The following CEP70 variants were observed in gnomAD, a reference collection of about 807,000 sequenced individuals.
CEP70 encodes centrosomal protein of 70 kDa.
Under a neutral mutation model 90.9 loss-of-function variants are expected in CEP70, and 70 were observed. The ratio of observed to expected loss-of-function variants is 0.77; its 90% confidence interval spans 0.64 to 0.94. The LOEUF (loss-of-function observed/expected upper bound fraction) is 0.94. Among genes scored for constraint, CEP70 ranks in the 40% least tolerant of loss-of-function variants. The pLI, the probability that CEP70 is intolerant of heterozygous loss-of-function variation, is 0.00. For synonymous variants in CEP70, 220 were observed against 228.3 expected (o/e 0.96, Z 0.33); for missense variants, 648 against 669.0 (o/e 0.97, Z 0.35).
chr3:138,545,366 C>T (rs1375388801), intron 6 of CEP70, among the ~76,000 whole-genome samples: 1 of 152,128 alleles, frequency 6.6e-6, no homozygotes. Context: ...TATCAGTTCC[C>T]AAATAATACT....
At chr3:138,583,891 A>G (rs2041981930) in intron 2 of CEP70, among the ~76,000 whole-genome samples, 1 of 152,170 alleles carries the variant, frequency 6.6e-6, no homozygotes, top group African/African-American at 2.4e-5. Flanking sequence ...AGAACTAGAA[A>G]AGCAGAGCAA....
chr3:138,555,174 A>G (rs1388869740), intron 6 of CEP70, among the ~76,000 whole-genome samples: 1 of 147,586 alleles, frequency 6.8e-6, no homozygotes, highest in African/African-American at 2.5e-5. Flanking sequence ...ACTTCTACCC[A>G]GTAGGGGGAG....
At chr3:138,565,789 C>G (rs970043631) in intron 6 of CEP70, among the ~76,000 whole-genome samples, 9 of 152,048 alleles carry the variant, frequency 5.9e-5, no homozygotes, top group Non-Finnish European at 1.3e-4. Context: ...ACTAAAACAC[C>G]AAAAGCAATG....
At chr3:138,539,169 C>T (rs534399234) in intron 6 of CEP70, among the ~76,000 whole-genome samples, 3 of 152,156 alleles carry the variant, frequency 2.0e-5, no homozygotes, top group Non-Finnish European at 2.9e-5. Context: ...TGGATAGTTG[C>T]GTACCATCAC....
At chr3:138,589,660 A>G (rs1477887376) in intron 2 of CEP70, among the ~76,000 whole-genome samples, 4 of 152,160 alleles carry the variant, frequency 2.6e-5, no homozygotes, top group Non-Finnish European at 5.9e-5. Context: ...TGTATCTCAA[A>G]AAGAAAAAAA....
At chr3:138,499,089 T>C (rs2108657746) in intron 16 of CEP70, among the ~76,000 whole-genome samples, 1 of 151,658 alleles carries the variant, frequency 6.6e-6, no homozygotes, top group South Asian at 2.1e-4. Flanking sequence ...CAGTAGTCAG[T>C]AAAACTGTGG....
rs869032871 is a variant in CEP70, at chr3:138,510,856, C to CTT, written c.945-2314_945-2313dup. ...CCCACAAATTTAATGCTTTTTCCAT[C>CTT]TTTTTTTTTTTTTTTTTTTTTTGAG... On this transcript the variant is annotated intron_variant, in intron 11 of 17. Transcript: ENST00000264982. Among the ~76,000 whole-genome samples the CTT allele has an allele frequency of 4.3e-3, 459 of 106,984 alleles. 4 individuals are homozygous for CTT. The highest frequency in any genetic ancestry group is 0.012 in the African/African-American group (363 of 31,466). 70.2% of individuals were successfully genotyped at this position (106,984 alleles called of 152,430 possible). A position where few individuals can be genotyped will look rare whatever the true frequency, so the allele number is the denominator to read the frequency against.
At chr3:138,510,181 T>C (rs1211777993) in intron 11 of CEP70, among the ~76,000 whole-genome samples, 6 of 151,026 alleles carry the variant, frequency 4.0e-5, no homozygotes, top group African/African-American at 1.5e-4. Flanking sequence ...TTAGTTAAGA[T>C]GACCTCAGGA....
In CEP70 at chr3:138,498,126, A is replaced by C. The variant is rs151170111; in HGVS notation, c.1653-16T>G. On this transcript the variant is annotated splice_polypyrimidine_tract_variant and intron_variant, in intron 16 of 17. Coordinates refer to ENST00000264982, the MANE Select transcript of CEP70 (RefSeq NM_024491.4). Reference sequence around the variant, plus strand: ...GTAGATAATGCTGTTTAAAAAATGCACAATTTAAACCTGATTTCTAACTTT... The same window carrying C: ...GTAGATAATGCTGTTTAAAAAATGCCCAATTTAAACCTGATTTCTAACTTT... 1 of 1,604,680 alleles carries C rather than the reference A, an allele frequency of 6.2e-7. No homozygotes were observed. The highest frequency in any genetic ancestry group is 2.2e-5 in the East Asian group (1 of 44,666).
intron 3 of CEP70, among the ~76,000 whole-genome samples, chr3:138,571,753 A>G (rs377038572): frequency 1.7e-4 from 26 of 152,228 alleles, no homozygotes; most frequent in African/African-American, 6.3e-4. Context: ...AGAAAAGAAA[A>G]GGTGAGTCAC....
intron 6 of CEP70, among the ~76,000 whole-genome samples, chr3:138,553,569 C>CACTAT (rs1225245577): frequency 3.3e-5 from 5 of 151,698 alleles, no homozygotes; most frequent in Admixed American, 3.3e-4. Context: ...ATCCTATTGA[C>CACTAT]ACTATTCCAA....
At chr3:138,526,334 T>A (rs1436066599) in intron 10 of CEP70, among the ~76,000 whole-genome samples, 1 of 150,374 alleles carries the variant, frequency 6.7e-6, no homozygotes, top group African/African-American at 2.5e-5. Context: ...CTGATTTTTG[T>A]ATTTTTTTTG....
intron 6 of CEP70, among the ~76,000 whole-genome samples, chr3:138,544,698 T>C (rs772731087): frequency 2.0e-4 from 31 of 152,144 alleles, no homozygotes; most frequent in Non-Finnish European, 3.8e-4. Flanking sequence ...AAATGTGGTA[T>C]GTGTACACAA....
chr3:138,535,903 T>C (rs1317537206), intron 7 of CEP70, among the ~76,000 whole-genome samples: 1 of 152,118 alleles, frequency 6.6e-6, no homozygotes, highest in Non-Finnish European at 1.5e-5. Flanking sequence ...TATTCACACC[T>C]CTCACTAACA....
At chr3:138,525,115 G>T (rs2037081430) in intron 11 of CEP70, among the ~76,000 whole-genome samples, 1 of 152,090 alleles carries the variant, frequency 6.6e-6, no homozygotes, top group South Asian at 2.1e-4. Flanking sequence ...TCCTTTGTAG[G>T]GACATGGATG....
In CEP70 at chr3:138,545,048, G is replaced by A. The variant is rs140013570; in HGVS notation, c.466-7701C>T. ...ATCTATTATATATTTCAAAATAGCT[G>A]GAAGAGAAGAATTCTAATGTCTCCA... On this transcript the variant is annotated intron_variant, in intron 6 of 17. Transcript: ENST00000264982. Among the ~76,000 whole-genome samples, 859 of 152,180 alleles carry A rather than the reference G, an allele frequency of 5.6e-3. 7 individuals are homozygous for A. The highest frequency in any genetic ancestry group is 0.02 in the African/African-American group (827 of 41,526).
chr3:138,495,107 G>C (rs1245385753), intron 17 of CEP70, 31 bp from the exon 18 acceptor site: 2 of 1,363,332 alleles, frequency 1.5e-6, no homozygotes, highest in Non-Finnish European at 2.1e-6. Context: ...TAATAAAAGA[G>C]AGTAACTTTT....
chr3:138,567,297 C>T (rs1366941868), intron 6 of CEP70, among the ~76,000 whole-genome samples: 1 of 152,142 alleles, frequency 6.6e-6, no homozygotes, highest in Admixed American at 6.5e-5. Context: ...CAACTGTATA[C>T]CAAAAATAGA....
At chr3:138,501,526 A>C (rs968273387) in intron 13 of CEP70, among the ~76,000 whole-genome samples, 2 of 152,202 alleles carry the variant, frequency 1.3e-5, no homozygotes, top group Non-Finnish European at 2.9e-5. Flanking sequence ...ATTTTGCATA[A>C]AGGGAATTAT....
Sources: gnomAD v4.1 joint callset for allele counts (sites outside exome capture counted in the v4.1 genomes callset) on GRCh38, gnomAD v4.1.1 for gene constraint, MANE v1.5 for transcripts, NCBI Gene and HGNC (gene_info 2026-07-23, HGNC 2026-07-21) for gene names.